Variants in DNMT3A observed in about 807,000 individuals in gnomAD.
DNMT3A encodes DNA (cytosine-5)-methyltransferase 3A.
DNMT3A carries 267 observed loss-of-function variants against 117.6 expected under a neutral mutation model. The ratio of observed to expected loss-of-function variants is 2.27; its 90% CI spans 2.05 to 2.51. DNMT3A has a LOEUF of 2.51. Among genes scored for constraint, DNMT3A ranks in the 30% most tolerant of loss-of-function variants. The pLI, the probability that DNMT3A is intolerant of heterozygous loss-of-function variation, is 0.00. For missense variants in DNMT3A, 1,029 were observed against 1,260.2 expected (o/e 0.82, Z 2.78); for synonymous variants, 432 against 474.8 (o/e 0.91, Z 1.17).
At chr2:25,335,694 G>A (rs967997068) in intron 1 of DNMT3A, among the ~76,000 whole-genome samples, 8 of 152,140 alleles carry the variant, frequency 5.3e-5, no homozygotes, top group African/African-American at 1.2e-4. Context: ...CCAGCTCTCC[G>A]GTTACTGGCT....
At chr2:25,264,790 G>T (rs769248352) in intron 6 of DNMT3A, among the ~76,000 whole-genome samples, 2 of 152,128 alleles carry the variant, frequency 1.3e-5, no homozygotes. Context: ...GATGCTTCAC[G>T]TATGTGCCTT....
rs115141120 is a variant in DNMT3A at position 25,263,621 on chromosome 2, C to T, written c.639+11320G>A. Among the ~76,000 whole-genome samples the T allele has an allele frequency of 4.2e-3, 632 of 152,272 alleles. 5 individuals carry two copies. The highest frequency in any genetic ancestry group is 0.015 in the African/African-American group (613 of 41,530). ...GACCACCCCATATGTGAACATCCCA[C>T]GGCCTCCCTGACAAGCAGTCTGGTT... On this transcript the variant is annotated intron_variant, in intron 6 of 22. Transcript: ENST00000321117.
intron 2 of DNMT3A, among the ~76,000 whole-genome samples, chr2:25,301,747 T>C (rs1379005103): frequency 6.6e-6 from 1 of 152,128 alleles, no homozygotes; most frequent in African/African-American, 2.4e-5. Context: ...CTGCTCTTCA[T>C]ACCCTGCACG....
Position 25,234,138 on chromosome 2 carries a change from G to A in DNMT3A, c.*141C>T. On this transcript the variant is annotated 3_prime_UTR_variant, in exon 23 of 23. Transcript: ENST00000321117. This position sits in a 1 kb window ranked among gnomAD's most constrained non-coding sequence, Gnocchi z 4.5. ...AGCCCTCCGGTATTTCCGCCTCTGT[G>A]GTTTTTGTTTTAAATTCCTTTTTCT... is the stretch of plus-strand genomic sequence containing the variant. The A allele has an allele frequency of 7.6e-7, 1 of 1,319,354 alleles. No homozygotes were observed. Among genetic ancestry groups the A allele is most frequent in the Non-Finnish European group, 1.0e-6 (1 of 997,690 alleles). The allele number at this position is 1,319,354 out of a possible 1,614,324, so 81.7% of individuals were successfully genotyped here.
chr2:25,263,485 G>C (rs1393373818), intron 6 of DNMT3A, among the ~76,000 whole-genome samples: 1 of 152,078 alleles, frequency 6.6e-6, no homozygotes, highest in Non-Finnish European at 1.5e-5. Context: ...ATAGTATCAT[G>C]TTTATTTACC....
At chr2:25,340,816 T>TCCCGGC (rs1342207601) in intron 1 of DNMT3A, among the ~76,000 whole-genome samples, 1 of 119,232 alleles carries the variant, frequency 8.4e-6, no homozygotes, top group Non-Finnish European at 1.8e-5. Flanking sequence ...CCGCTCCCGG[T>TCCCGGC]CCCGGCCCCG....
chr2:25,275,418 T>G, intron 5 of DNMT3A, 82 bp downstream of exon 5: 17 of 492,664 alleles, frequency 3.5e-5, no homozygotes, highest in Non-Finnish European at 5.2e-5. Flanking sequence ...GGGCCCACCC[T>G]CCGCCCCCTC....
chr2:25,252,049 T>C lies in DNMT3A; in HGVS notation c.640-3797A>G. ...AGCACTAAGTCAGCATCTCCAGAAC[T>C]CGGGCCAGGCCGGGACGCCGCGGCT... On this transcript the variant is annotated intron_variant, in intron 6 of 22. Coordinates refer to ENST00000321117, the MANE Select transcript of DNMT3A (RefSeq NM_022552.5). This position sits in a 1 kb window ranked among gnomAD's most constrained non-coding sequence, Gnocchi z 5.5. The C allele has an allele frequency of 1.8e-6, 2 of 1,093,764 alleles. No individual in the cohort carries two copies. Among genetic ancestry groups the C allele is most frequent in the South Asian group, 1.6e-5 (1 of 61,720 alleles). 67.8% of individuals were successfully genotyped at this position (1,093,764 alleles called of 1,614,324 possible). A position where few individuals can be genotyped will look rare whatever the true frequency, so the allele number is the denominator to read the frequency against.
Position 25,341,887 on chromosome 2 carries a change from C to T in DNMT3A, c.-239G>A, listed in dbSNP as rs1197422435. 1.0e-6 allele frequency: 1 copy of T among 980,076 alleles called. No homozygotes were observed. Among genetic ancestry groups the T allele is most frequent in the African/African-American group, 1.8e-5 (1 of 56,410 alleles). The allele number at this position is 980,076 out of a possible 1,614,324, so 60.7% of individuals were successfully genotyped here. A position where few individuals can be genotyped will look rare whatever the true frequency, so the allele number is the denominator to read the frequency against. The stretch of plus-strand genomic sequence containing the variant: ...GCCCTGGTGCCGCGGCGCCGCGTCC[C>T]GGCTCGTCCTCTGCTCTCGCCGCCG... On this transcript the variant is annotated 5_prime_UTR_variant, in exon 1 of 23. Transcript: ENST00000321117.
At chr2:25,319,677 C>T (rs1040810213) in intron 1 of DNMT3A, among the ~76,000 whole-genome samples, 1 of 152,034 alleles carries the variant, frequency 6.6e-6, no homozygotes, top group African/African-American at 2.4e-5. Context: ...CCTCTGCTGT[C>T]GAACTGTCTT....
chr2:25,302,247 A>G (rs2033560706), intron 2 of DNMT3A, among the ~76,000 whole-genome samples: 2 of 152,134 alleles, frequency 1.3e-5, no homozygotes, highest in African/African-American at 4.8e-5. Flanking sequence ...TTGTGGGAGC[A>G]AGGAAGGGGA....
intron 1 of DNMT3A, among the ~76,000 whole-genome samples, chr2:25,333,952 C>T (rs1050401300): frequency 6.6e-6 from 1 of 152,216 alleles, no homozygotes; most frequent in African/African-American, 2.4e-5. Flanking sequence ...CTCCCGAACG[C>T]CTTTTTTGCC....
intron 6 of DNMT3A, among the ~76,000 whole-genome samples, chr2:25,261,612 A>C (rs1191787178): frequency 6.6e-6 from 1 of 151,636 alleles, no homozygotes; most frequent in East Asian, 1.9e-4. Context: ...GTCTCAAAAA[A>C]AAAAAAAAAC....
In DNMT3A at chr2:25,300,729, AT is replaced by A. The variant is rs1164553228; in HGVS notation, c.73-487del. On this transcript the variant is annotated intron_variant, in intron 2 of 22. Coordinates refer to ENST00000321117, the MANE Select transcript of DNMT3A (RefSeq NM_022552.5). ...AATAATATAATATATATATATATAT[AT>A]ATATATATATATATATATATATATA... is the stretch of plus-strand genomic sequence containing the variant. Among the ~76,000 whole-genome samples the A allele has an allele frequency of 4.5e-3, 136 of 29,958 alleles. 1 individual carries two copies. Among genetic ancestry groups the A allele is most frequent in the Middle Eastern group, 0.01 (1 of 98 alleles). The allele number at this position is 29,958 out of a possible 152,430, so 19.7% of individuals were successfully genotyped here.
intron 16 of DNMT3A, among the ~76,000 whole-genome samples, chr2:25,242,248 G>C (rs952021595): frequency 2.0e-5 from 3 of 151,870 alleles, no homozygotes; most frequent in East Asian, 3.9e-4. Flanking sequence ...CAGCCCTCTC[G>C]TGGATTGCAA....
At position 25,339,386 on chromosome 2, in the gene DNMT3A, G is replaced by A. The variant is rs909649960; in HGVS notation, c.-178+2440C>T. 6.6e-6 allele frequency among the ~76,000 whole-genome samples: 1 copy of A among 152,198 alleles called. No individual in the cohort carries two copies. The highest frequency in any genetic ancestry group is 2.4e-5 in the African/African-American group (1 of 41,460). On this transcript the variant is annotated intron_variant, in intron 1 of 22. Coordinates refer to ENST00000321117, the MANE Select transcript of DNMT3A (RefSeq NM_022552.5). The surrounding 1 kb of genome is among the most constrained non-coding windows in gnomAD (Gnocchi z 4.9). ...CCAGTCCACTCCTTGAGTCTAGAAG[G>A]AATTCACCTTTCTTAGGGTCAGTCT...
At chr2:25,289,518 C>T (rs2032587698) in intron 3 of DNMT3A, among the ~76,000 whole-genome samples, 1 of 152,208 alleles carries the variant, frequency 6.6e-6, no homozygotes, top group Admixed American at 6.5e-5. Flanking sequence ...CCTAGGGGAG[C>T]TGGAGCGATA....
At chr2:25,289,873 C>T (rs2032614738) in intron 3 of DNMT3A, among the ~76,000 whole-genome samples, 1 of 152,266 alleles carries the variant, frequency 6.6e-6, no homozygotes, top group African/African-American at 2.4e-5. Context: ...AAGTCTGGGC[C>T]AGACCCAGAC....
chr2:25,245,195 G>C (rs367617116), intron 13 of DNMT3A, 58 bp downstream of exon 13: 38 of 1,541,922 alleles, frequency 2.5e-5, no homozygotes, highest in Non-Finnish European at 8.0e-6. Flanking sequence ...GACACAGTCA[G>C]CCAGAAGGCC....
Sources: gnomAD v4.1 joint callset for allele counts (sites outside exome capture counted in the v4.1 genomes callset) on GRCh38, gnomAD v4.1.1 for gene constraint, Gnocchi (gnomAD v3.1) non-coding constraint, MANE v1.5 for transcripts, NCBI Gene and HGNC (gene_info 2026-07-23, HGNC 2026-07-21) for gene names.